Variants in SRPRA observed in about 807,000 individuals in gnomAD.
SRPRA encodes SRP receptor subunit alpha.
In SRPRA, 30 loss-of-function variants were observed where a neutral mutation model predicts 61.1. The ratio of observed to expected loss-of-function variants is 0.49; its 90% CI spans 0.37 to 0.67. The LOEUF is 0.67. SRPRA is among the 30% of genes least tolerant of loss of function. The pLI, the probability that SRPRA is intolerant of heterozygous loss-of-function variation, is 0.00. For synonymous variants in SRPRA, 324 were observed against 299.7 expected (o/e 1.08, Z -0.84); for missense variants, 759 against 828.4 (o/e 0.92, Z 1.03).
chr11:126,238,593 A>G, the SRPRA span, among the ~76,000 whole-genome samples: 4 of 152,180 alleles, frequency 2.6e-5, no homozygotes, highest in Non-Finnish European at 5.9e-5. Flanking sequence ...ACAGACTTTT[A>G]CTTAATCCCC....
chr11:126,265,897 T>C lies in SRPRA; in HGVS notation c.1051+66A>G. The stretch of plus-strand genomic sequence containing the variant: ...TCTTTATGGTACAGGTGAGAAACGC[T>C]AGGTGATTCTGCTCTCAACTACCCC... On this transcript the variant is annotated intron_variant, in intron 8 of 13. Transcript: ENST00000332118. The surrounding 1 kb of genome is among the most constrained non-coding windows in gnomAD (Gnocchi z 6.3). 1 of 1,610,534 alleles carries C rather than the reference T, an allele frequency of 6.2e-7. No homozygotes were observed. Among genetic ancestry groups the C allele is most frequent in the Non-Finnish European group, 8.5e-7 (1 of 1,176,698 alleles).
rs114071597 is a variant in SRPRA, at chr11:126,264,034, G to A, written c.1799C>T (p.Ala600Val). 48 of 1,614,146 alleles carry A rather than the reference G, an allele frequency of 3.0e-5. No homozygotes were observed. Among genetic ancestry groups the A allele is most frequent in the Non-Finnish European group, 4.0e-5 (47 of 1,180,026 alleles). ...FDTIDDKVGA[A>V]ISMTYITSKP... ...GCTTGTGATGTACGTCATAGAAATA[G>A]CAGCTCCCACCTAAGTGGAGAAAGA... The change falls in exon 14 of 14, where the codon GCT (alanine) becomes GTT (valine). Residue 600 changes from alanine to valine, a missense_variant. This residue lies in a region of SRPRA where 284 missense variants were observed against 365.9 expected (regional missense o/e 0.78). Coordinates refer to ENST00000332118, the MANE Select transcript of SRPRA (RefSeq NM_003139.4). The surrounding 1 kb of genome is among the most constrained non-coding windows in gnomAD (Gnocchi z 5.0).
In SRPRA at chr11:126,265,056, G is replaced by A. The variant is rs1205009162; in HGVS notation, c.1428C>T (p.His476=). The part of the protein sequence containing the change: ...RTHTRRLSAL[H]PPEKHGGRTM... ...TGCGGCCACCATGCTTCTCTGGAGG[G>A]TGTAGGGCACTCAAACGCCGGGTGT... Residue 476 remains histidine, a synonymous_variant, in exon 11 of 14, where the codon CAC becomes CAT. Transcript: ENST00000332118. The surrounding 1 kb of genome is among the most constrained non-coding windows in gnomAD (Gnocchi z 6.3). The A allele has an allele frequency of 1.2e-6, 2 of 1,614,196 alleles. No individual in the cohort carries two copies. Among genetic ancestry groups the A allele is most frequent in the African/African-American group, 1.3e-5 (1 of 75,044 alleles).
intron 1 of SRPRA, 40 bp downstream of exon 1, chr11:126,268,648 G>T (rs200646984): frequency 1.3e-6 from 2 of 1,561,158 alleles, no homozygotes; most frequent in South Asian, 1.1e-5. Flanking sequence ...ATCGGGTCAG[G>T]AAAGAAGAGC....
At chr11:126,240,421 G>T in the SRPRA span, among the ~76,000 whole-genome samples, 1 of 151,920 alleles carries the variant, frequency 6.6e-6, no homozygotes, top group Non-Finnish European at 1.5e-5. Flanking sequence ...CAAATCAAAC[G>T]TCTTCTTTTG....
the SRPRA span, chr11:126,241,176 A>G: frequency 5.9e-6 from 6 of 1,012,632 alleles, no homozygotes; most frequent in Non-Finnish European, 7.1e-6. Context: ...GTAGGTTTCC[A>G]TAACATTTGA....
the SRPRA span, among the ~76,000 whole-genome samples, chr11:126,240,036 G>A: frequency 6.6e-6 from 1 of 152,120 alleles, no homozygotes; most frequent in Non-Finnish European, 1.5e-5. Flanking sequence ...AAAAATTAAT[G>A]TGAAGGAACA....
the SRPRA span, among the ~76,000 whole-genome samples, chr11:126,236,917 CT>C: frequency 0.49 from 33,617 of 68,316 alleles, 6,819 homozygotes; most frequent in East Asian, 0.67. Context: ...TTCACAGATG[CT>C]TTTTTTTTTT....
chr11:126,244,785 A>G, the SRPRA span, among the ~76,000 whole-genome samples: 1 of 152,190 alleles, frequency 6.6e-6, no homozygotes, highest in Non-Finnish European at 1.5e-5. The surrounding 1 kb of genome is among the most constrained non-coding windows in gnomAD (Gnocchi z 4.5). Flanking sequence ...CCTGGGCAAC[A>G]AGAGCGAAAC....
chr11:126,265,439 C>T lies in SRPRA; in HGVS notation c.1140G>A (p.Thr380=), dbSNP rs200174931. Residue 380 remains threonine (T), a splice_region_variant and synonymous_variant, in exon 10 of 14, where the codon ACG becomes ACA. Transcript: ENST00000332118. The surrounding 1 kb of genome is among the most constrained non-coding windows in gnomAD (Gnocchi z 6.3). ...GGGCTTGCTTTACTGTGGAAGTCACCGCTGAAAGGGGAGGTGGAGGAGGTT... is the reference window on the plus strand; with the variant it reads ...GGGCTTGCTTTACTGTGGAAGTCACTGCTGAAAGGGGAGGTGGAGGAGGTT... ...LEGKVMGTFS[T]VTSTVKQALQ... 35 of 1,609,308 alleles carry T rather than the reference C, an allele frequency of 2.2e-5. No individual in the cohort carries two copies. The highest frequency in any genetic ancestry group is 3.4e-5 in the Admixed American group (2 of 59,578).
At chr11:126,247,056 G>A in the SRPRA span, among the ~76,000 whole-genome samples, 1 of 152,202 alleles carries the variant, frequency 6.6e-6, no homozygotes, top group Non-Finnish European at 1.5e-5. Context: ...TACACAGGAG[G>A]CTGAGGCAAG....
downstream of SRPRA, among the ~76,000 whole-genome samples, chr11:126,258,611 G>C (rs1241911404): frequency 6.6e-6 from 1 of 152,114 alleles, no homozygotes; most frequent in African/African-American, 2.4e-5. Context: ...TTCTTTGTTG[G>C]AAATGAGTTT....
chr11:126,268,521 G>C (rs1444168961), intron 1 of SRPRA, among the ~76,000 whole-genome samples, 167 bp downstream of exon 1: 2 of 151,790 alleles, frequency 1.3e-5, no homozygotes, highest in Non-Finnish European at 2.9e-5. Flanking sequence ...TTAAGTTGCG[G>C]GGTAGTCTGA....
the SRPRA span, among the ~76,000 whole-genome samples, chr11:126,239,680 A>T: frequency 6.6e-6 from 1 of 152,100 alleles, no homozygotes; most frequent in Non-Finnish European, 1.5e-5. Context: ...GACCCAGCTA[A>T]TTTTTGTATT....
Position 126,268,092 on chromosome 11 carries a change from G to A in SRPRA, c.118-6C>T. On this transcript the variant is annotated splice_region_variant and splice_polypyrimidine_tract_variant and intron_variant, in intron 1 of 13. Coordinates refer to ENST00000332118, the MANE Select transcript of SRPRA (RefSeq NM_003139.4). Reference sequence around the variant, plus strand: ...GAGTTGTTACCTCCCCGTTCCTGGAGAAAGAGTATGTCTCAGTGTTCAGAC... The same window carrying A: ...GAGTTGTTACCTCCCCGTTCCTGGAAAAAGAGTATGTCTCAGTGTTCAGAC... 1 of 1,613,532 alleles carries A rather than the reference G, an allele frequency of 6.2e-7. No homozygotes were observed. The highest frequency in any genetic ancestry group is 8.5e-7 in the Non-Finnish European group (1 of 1,179,556).
downstream of SRPRA, chr11:126,261,437 G>A (rs548623390): frequency 1.2e-6 from 2 of 1,613,986 alleles, no homozygotes; most frequent in Non-Finnish European, 1.7e-6. Context: ...GGGATGGTGA[G>A]AGAAGGTCAG....
the SRPRA span, chr11:126,256,767 A>G: frequency 6.2e-7 from 1 of 1,614,134 alleles, no homozygotes; most frequent in Non-Finnish European, 8.5e-7. The surrounding 1 kb of genome is among the most constrained non-coding windows in gnomAD (Gnocchi z 6.6). Context: ...AGGGGATTAA[A>G]GTCATCTCCT....
chr11:126,250,793 G>T, the SRPRA span: 1 of 1,346,586 alleles, frequency 7.4e-7, no homozygotes, highest in Non-Finnish European at 1.0e-6. The surrounding 1 kb of genome is among the most constrained non-coding windows in gnomAD (Gnocchi z 5.1). Context: ...CCTCAGAAAA[G>T]CTCTTTTCTA....
the SRPRA span, among the ~76,000 whole-genome samples, chr11:126,238,956 A>T: frequency 1.4e-5 from 2 of 146,424 alleles, no homozygotes. Flanking sequence ...TAAATGTTTT[A>T]TTTTTAAGTG....
Sources: gnomAD v4.1 joint callset for allele counts (sites outside exome capture counted in the v4.1 genomes callset) on GRCh38, gnomAD v4.1.1 for gene constraint, gnomAD v4.1.1 regional missense constraint, Gnocchi (gnomAD v3.1) non-coding constraint, MANE v1.5 for transcripts, NCBI Gene and HGNC (gene_info 2026-07-23, HGNC 2026-07-21) for gene names.